The following RASAL1 variants were observed in gnomAD, a reference collection of about 807,000 sequenced individuals.
The protein encoded by RASAL1 is RAS protein activator like 1.
Under a neutral mutation model 96.6 loss-of-function variants are expected in RASAL1, and 72 were observed. The ratio of observed to expected loss-of-function variants is 0.75; its 90% CI spans 0.62 to 0.91. The LOEUF is 0.91. RASAL1 is among the 40% of genes least tolerant of loss of function. The pLI is 0.00. For synonymous variants in RASAL1, 405 were observed against 430.4 expected, an observed-to-expected ratio of 0.94 and a Z score of 0.73; for missense variants, 1,016 against 1,072.5, an observed-to-expected ratio of 0.95 and a Z score of 0.74.
At chr12:113,100,961 G>T (rs1950423524) in intron 19 of RASAL1, among the ~76,000 whole-genome samples, 1 of 152,178 alleles carries the variant, frequency 6.6e-6, no homozygotes, top group Admixed American at 6.5e-5. Context: ...GAGAGGTTAG[G>T]TAACTTGCTT....
At chr12:113,108,032 T>C (rs887313216) in intron 14 of RASAL1, 53 bp downstream of exon 14, 3 of 1,562,654 alleles carry the variant, frequency 1.9e-6, no homozygotes, top group Admixed American at 2.1e-5. Context: ...GCTCCTACCA[T>C]GCTTTTTTCC....
intron 2 of RASAL1, 100 bp from the exon 3 acceptor site, chr12:113,128,278 ACACG>A: frequency 2.9e-6 from 2 of 693,356 alleles, no homozygotes; most frequent in Non-Finnish European, 5.0e-6. Flanking sequence ...ACACACACAC[ACACG>A]GGAATCCAGA....
Position 113,135,078 on chromosome 12 carries a change from C to A in RASAL1, c.65+320G>T, listed in dbSNP as rs1294942805. Among the ~76,000 whole-genome samples the A allele has an allele frequency of 6.6e-6, 1 of 151,988 alleles. No homozygotes were observed. Among genetic ancestry groups the A allele is most frequent in the Non-Finnish European group, 1.5e-5 (1 of 67,978 alleles). On this transcript the variant is annotated intron_variant, in intron 1 of 20. Transcript: ENST00000548055. The surrounding 1 kb of genome is among the most constrained non-coding windows in gnomAD (Gnocchi z 5.7). ...AAGAGACCCCCCGCTTTCTCCCCTC[C>A]CAGATCTGACAGAATATGGCCCTCT...
intron 7 of RASAL1, among the ~76,000 whole-genome samples, chr12:113,118,861 A>G (rs1006725293): frequency 6.6e-6 from 1 of 152,184 alleles, no homozygotes; most frequent in Non-Finnish European, 1.5e-5. Context: ...GGGCCAGCAC[A>G]TAGTCATCTG....
At chr12:113,117,301 C>G in intron 7 of RASAL1, 140 bp from the exon 8 acceptor site, 1 of 543,098 alleles carries the variant, frequency 1.8e-6, no homozygotes, top group Non-Finnish European at 3.1e-6. Flanking sequence ...CCCTCCTTCT[C>G]TCCTACAAGT....
chr12:113,127,594 G>A (rs1951532456), intron 4 of RASAL1, among the ~76,000 whole-genome samples: 1 of 152,178 alleles, frequency 6.6e-6, no homozygotes, highest in African/African-American at 2.4e-5. Context: ...AGATTGCAGT[G>A]AGCTATGATA....
chr12:113,135,451 G>T lies in RASAL1; in HGVS notation c.12C>A (p.Ser4Arg). 1 of 1,608,540 alleles carries T rather than the reference G, an allele frequency of 6.2e-7. No homozygotes were observed. The highest frequency in any genetic ancestry group is 8.5e-7 in the Non-Finnish European group (1 of 1,178,176). Reference sequence around the variant, plus strand: ...CCACCACGCGAACATTCAGGGAGCTGCTCTTGGCCATGGCGCCTAGCCACA... The same window carrying T: ...CCACCACGCGAACATTCAGGGAGCTTCTCTTGGCCATGGCGCCTAGCCACA... MAK[S>R]SSLNVRVVEG... Residue 4 changes from serine (S) to arginine (R), a missense_variant, in exon 1 of 21, where the codon AGC (serine) becomes AGA (arginine). Transcript: ENST00000548055. This position sits in a 1 kb window ranked among gnomAD's most constrained non-coding sequence, Gnocchi z 5.7.
chr12:113,101,889 C>T lies in RASAL1; in HGVS notation c.2225G>A (p.Arg742Lys), dbSNP rs909874027. The T allele has an allele frequency of 6.2e-7, 1 of 1,612,910 alleles. No homozygotes were observed. The highest frequency in any genetic ancestry group is 1.3e-5 in the African/African-American group (1 of 75,048). The change falls in exon 19 of 21, where the codon AGG becomes AAG. Residue 742 changes from arginine (R) to lysine (K), a missense_variant and splice_region_variant. By Grantham distance (26) the Arg-to-Lys change is conservative. Transcript: ENST00000548055. ...AAGTGGGATGGGTGGGGGCACCCAC[C>T]TGAGCTGGTCCCGCCCCAGGAGCAG... ...RQLLLGRDQL[R>K]LKLLEDSNMD... is the part of the protein sequence containing the mutation.
At chr12:113,113,279 CA>C (rs1188555212) in intron 12 of RASAL1, among the ~76,000 whole-genome samples, 2 of 152,178 alleles carry the variant, frequency 1.3e-5, no homozygotes, top group Non-Finnish European at 2.9e-5. Flanking sequence ...TTAATCCTAA[CA>C]GCAACTTGAT....
Position 113,127,384 on chromosome 12 carries a change from A to G in RASAL1, c.298+428T>C, listed in dbSNP as rs546316150. Among the ~76,000 whole-genome samples the G allele has an allele frequency of 2.7e-4, 41 of 152,298 alleles. 1 individual carries two copies. The South Asian group carries it at 8.1e-3, about 30-fold the overall frequency. ...GACAAGGCTGGGCATAGTGGCTCAC[A>G]CTTGTACTCCCAACACTTTGGGAGG... On this transcript the variant is annotated intron_variant, in intron 4 of 20. Coordinates refer to ENST00000548055, the MANE Select transcript of RASAL1 (RefSeq NM_001301202.2).
intron 15 of RASAL1, 77 bp from the exon 16 acceptor site, chr12:113,105,963 G>A: frequency 6.9e-7 from 1 of 1,455,468 alleles, no homozygotes; most frequent in South Asian, 1.3e-5. Flanking sequence ...AGCATGCCCA[G>A]GGAGGACCTC....
intron 5 of RASAL1, among the ~76,000 whole-genome samples, chr12:113,119,733 G>A (rs1951219434): frequency 6.6e-6 from 1 of 152,146 alleles, no homozygotes; most frequent in African/African-American, 2.4e-5. Context: ...GCAGCAGGGA[G>A]GGGGAAAAGA....
At chr12:113,104,105 G>C (rs751144382) in intron 17 of RASAL1, 24 bp from the exon 18 acceptor site, 1 of 1,578,846 alleles carries the variant, frequency 6.3e-7, no homozygotes, top group African/African-American at 1.3e-5. Flanking sequence ...GAGGCGATCA[G>C]GGGGCGGGTG....
Position 113,119,435 on chromosome 12 carries a change from G to A in RASAL1, c.437C>T (p.Ala146Val). The change falls in exon 6 of 21, where the codon GCT (alanine) becomes GTT (valine). Residue 146 changes from alanine (A) to valine (V), a missense_variant. Ala to Val is a moderately conservative substitution (Grantham distance 64). Coordinates refer to ENST00000548055, the MANE Select transcript of RASAL1 (RefSeq NM_001301202.2). The part of the protein sequence containing the change: ...RCHVLQARDL[A>V]PRDISGTSDP... The stretch of plus-strand genomic sequence containing the variant: ...AGATGTGCCAGAGATGTCTCTGGGA[G>A]CCAGGTCCCTGGGAACAGATGGGGA... 1 of 1,604,650 alleles carries A rather than the reference G, an allele frequency of 6.2e-7. No individual in the cohort carries two copies. The highest frequency in any genetic ancestry group is 2.2e-5 in the East Asian group (1 of 44,582).
chr12:113,116,930 C>T (rs1951108290), intron 8 of RASAL1, 143 bp downstream of exon 8: 1 of 612,136 alleles, frequency 1.6e-6, no homozygotes, highest in African/African-American at 1.9e-5. Context: ...CCTTGAGAGA[C>T]ATTCCATAGA....
Position 113,130,061 on chromosome 12 carries a change from C to T in RASAL1, c.122+824G>A, listed in dbSNP as rs1300781251. Among the ~76,000 whole-genome samples the T allele has an allele frequency of 6.6e-6, 1 of 152,032 alleles. No homozygotes were observed. Among genetic ancestry groups the T allele is most frequent in the Non-Finnish European group, 1.5e-5 (1 of 67,966 alleles). ...CTCCCCCAGGCAGGCTCCCCACCCC[C>T]AGCTCTGAGCCCATCTGGACCAGAA... On this transcript the variant is annotated intron_variant, in intron 2 of 20. Coordinates refer to ENST00000548055, the MANE Select transcript of RASAL1 (RefSeq NM_001301202.2). This position sits in a 1 kb window ranked among gnomAD's most constrained non-coding sequence, Gnocchi z 5.1.
chr12:113,108,231 A>C lies in RASAL1; in HGVS notation c.1375-9T>G, dbSNP rs201775307. ...GCCAGGTACTTCACATCCTGCTGGG[A>C]GGAGCAGAAGGTAAGAGGAGCCCCC... On this transcript the variant is annotated splice_polypyrimidine_tract_variant and intron_variant, in intron 13 of 20. Transcript: ENST00000548055. 515 of 1,607,970 alleles carry C rather than the reference A, an allele frequency of 3.2e-4. No homozygotes were observed. Among genetic ancestry groups the C allele is most frequent in the Non-Finnish European group, 4.0e-4 (469 of 1,177,618 alleles).
Position 113,115,707 on chromosome 12 carries a change from T to C in RASAL1, c.931A>G (p.Lys311Glu). The C allele has an allele frequency of 6.2e-7, 1 of 1,614,002 alleles. No individual in the cohort carries two copies. The highest frequency in any genetic ancestry group is 8.5e-7 in the Non-Finnish European group (1 of 1,179,994). ...GCCAGTCCCCGGCCAAGAAAGAGTT[T>C]CACCAGCTTGGTGGCAAGGTCCTGG... ...CRQDLATKLV[K>E]LFLGRGLAGR... The change falls in exon 10 of 21, where the codon AAA becomes GAA. Residue 311 changes from lysine (K) to glutamate (E), a missense_variant. Lys to Glu is a moderately conservative substitution (Grantham distance 56, BLOSUM62 1). Transcript: ENST00000548055. This position sits in a 1 kb window ranked among gnomAD's most constrained non-coding sequence, Gnocchi z 4.1.
rs1951643375 is a variant in RASAL1, at chr12:113,130,066, CTG to C, written c.122+817_122+818del. On this transcript the variant is annotated intron_variant, in intron 2 of 20. Coordinates refer to ENST00000548055, the MANE Select transcript of RASAL1 (RefSeq NM_001301202.2). This position sits in a 1 kb window ranked among gnomAD's most constrained non-coding sequence, Gnocchi z 5.1. Reference sequence around the variant, plus strand: ...CCAGGCAGGCTCCCCACCCCCAGCTCTGAGCCCATCTGGACCAGAATAGGAGC... The same window carrying C: ...CCAGGCAGGCTCCCCACCCCCAGCTCAGCCCATCTGGACCAGAATAGGAGC... 6.6e-6 allele frequency among the ~76,000 whole-genome samples: 1 copy of C among 151,860 alleles called. No individual in the cohort carries two copies. The highest frequency in any genetic ancestry group is 2.4e-5 in the African/African-American group (1 of 41,338).
Sources: gnomAD v4.1 joint callset for allele counts (sites outside exome capture counted in the v4.1 genomes callset) on GRCh38, gnomAD v4.1.1 for gene constraint, Gnocchi (gnomAD v3.1) non-coding constraint, MANE v1.5 for transcripts, NCBI Gene and HGNC (gene_info 2026-07-23, HGNC 2026-07-21) for gene names.